The following ST6GAL1 variants were observed in gnomAD, a reference collection of about 807,000 sequenced individuals.
ST6GAL1 encodes beta-galactoside alpha-2,6-sialyltransferase 1.
A neutral mutation model predicts 38.0 loss-of-function variants in ST6GAL1; 20 were observed. The ratio of observed to expected loss-of-function variants is 0.53; its 90% confidence interval spans 0.37 to 0.77. The LOEUF (loss-of-function observed/expected upper bound fraction) is 0.77, where lower values mean the gene tolerates loss of function less well. ST6GAL1 is among the 30% of genes least tolerant of loss of function. ST6GAL1 has a pLI of 0.00. For synonymous variants in ST6GAL1, 196 were observed against 188.2 expected (o/e 1.04, Z -0.34); for missense variants, 432 against 496.4 (o/e 0.87, Z 1.23).
At chr3:186,934,593 A>G (rs556129349) in intron 1 of ST6GAL1, among the ~76,000 whole-genome samples, 1 of 151,652 alleles carries the variant, frequency 6.6e-6, no homozygotes, top group South Asian at 2.1e-4. Context: ...CAACAACAAC[A>G]GAAAACCAGC....
chr3:187,023,490 T>A (rs889908732), intron 2 of ST6GAL1, among the ~76,000 whole-genome samples: 2 of 152,186 alleles, frequency 1.3e-5, no homozygotes, highest in South Asian at 4.1e-4. Context: ...CCAACCCAAA[T>A]GTCCAACAAT....
intron 6 of ST6GAL1, 107 bp downstream of exon 6, chr3:187,073,054 G>A (rs1719441129): frequency 2.3e-6 from 2 of 863,904 alleles, no homozygotes; most frequent in African/African-American, 3.4e-5. Context: ...TATTCCTAAA[G>A]GCTGGGTATT....
chr3:186,931,620 T>G (rs994372689), intron 1 of ST6GAL1, among the ~76,000 whole-genome samples: 1 of 152,170 alleles, frequency 6.6e-6, no homozygotes, highest in African/African-American at 2.4e-5. Context: ...CTGGGTGCAC[T>G]ATTGTCCCCG....
chr3:186,943,597 A>G (rs2108516665), intron 1 of ST6GAL1, among the ~76,000 whole-genome samples: 1 of 152,096 alleles, frequency 6.6e-6, no homozygotes, highest in Non-Finnish European at 1.5e-5. Context: ...TTACAGGTAC[A>G]CACTACCATG....
intron 6 of ST6GAL1, 27 bp from the exon 7 acceptor site, chr3:187,074,132 T>G: frequency 1.6e-5 from 25 of 1,584,380 alleles, no homozygotes; most frequent in Non-Finnish European, 2.1e-5. Context: ...ATTTCTCCCT[T>G]GAGAGGACCA....
intron 5 of ST6GAL1, among the ~76,000 whole-genome samples, chr3:187,065,071 C>T (rs1021420860): frequency 2.0e-5 from 3 of 151,248 alleles, no homozygotes; most frequent in Admixed American, 2.0e-4. Flanking sequence ...GGTGCACTCT[C>T]GGCTCCCTGC....
intron 2 of ST6GAL1, among the ~76,000 whole-genome samples, chr3:187,015,853 A>T (rs1717098228): frequency 1.3e-5 from 2 of 152,168 alleles, no homozygotes; most frequent in African/African-American, 4.8e-5. Flanking sequence ...AAAAAAAATA[A>T]AAATAAATAA....
At chr3:186,943,958 A>C (rs1714269940) in intron 1 of ST6GAL1, among the ~76,000 whole-genome samples, 1 of 152,204 alleles carries the variant, frequency 6.6e-6, no homozygotes, top group African/African-American at 2.4e-5. Context: ...CTCTCTTTTA[A>C]TGTTTCAAGG....
intron 2 of ST6GAL1, among the ~76,000 whole-genome samples, chr3:187,004,238 G>T (rs1439553149): frequency 6.6e-6 from 1 of 152,256 alleles, no homozygotes; most frequent in African/African-American, 2.4e-5. Flanking sequence ...CACCATGCTT[G>T]TGCAGCCTGC....
At chr3:187,065,924 T>C (rs1719095793) in intron 5 of ST6GAL1, among the ~76,000 whole-genome samples, 1 of 152,044 alleles carries the variant, frequency 6.6e-6, no homozygotes, top group Admixed American at 6.6e-5. Context: ...GCTCCCAGAG[T>C]TTAAGTTGCT....
intron 1 of ST6GAL1, among the ~76,000 whole-genome samples, chr3:186,942,902 C>T (rs775695833): frequency 1.8e-4 from 28 of 152,186 alleles, no homozygotes; most frequent in African/African-American, 3.4e-4. Context: ...GAGGTTTCGC[C>T]GTGTTGGCCA....
At chr3:186,988,925 A>G (rs1716054333) in intron 2 of ST6GAL1, among the ~76,000 whole-genome samples, 1 of 152,124 alleles carries the variant, frequency 6.6e-6, no homozygotes, top group Non-Finnish European at 1.5e-5. Flanking sequence ...GTGTCAAAAC[A>G]AAAAACCAAA....
intron 1 of ST6GAL1, among the ~76,000 whole-genome samples, chr3:186,933,556 C>G (rs1051602577): frequency 6.6e-6 from 1 of 152,196 alleles, no homozygotes; most frequent in African/African-American, 2.4e-5. Context: ...AAAAATCCTA[C>G]ATCAATTCCT....
chr3:187,042,075 TAGAG>T (rs1718141414), intron 3 of ST6GAL1: 1 of 152,406 alleles, frequency 6.6e-6, no homozygotes, highest in African/African-American at 2.4e-5. Context: ...TCGCAGCCCT[TAGAG>T]AGATACATCA....
chr3:187,005,034 T>TAAG (rs1356232311), intron 2 of ST6GAL1, among the ~76,000 whole-genome samples: 4 of 151,866 alleles, frequency 2.6e-5, no homozygotes, highest in Non-Finnish European at 5.9e-5. Context: ...CCACCATCAA[T>TAAG]AAGAAGTACA....
At chr3:187,044,834 A>C (rs1255556821) in intron 4 of ST6GAL1, among the ~76,000 whole-genome samples, 1 of 152,236 alleles carries the variant, frequency 6.6e-6, no homozygotes, top group Non-Finnish European at 1.5e-5. Context: ...ATTTTTCTAT[A>C]GATTGCAGTT....
chr3:186,991,354 T>G (rs1457642329), intron 2 of ST6GAL1, among the ~76,000 whole-genome samples: 1 of 152,116 alleles, frequency 6.6e-6, no homozygotes, highest in Non-Finnish European at 1.5e-5. Flanking sequence ...GGTCATGCCC[T>G]AATAGAGGAA....
At chr3:186,950,172 A>G (rs1333010131) in intron 1 of ST6GAL1, among the ~76,000 whole-genome samples, 1 of 152,194 alleles carries the variant, frequency 6.6e-6, no homozygotes, top group Non-Finnish European at 1.5e-5. Context: ...ATATCCTCAA[A>G]GGCTTTAAAA....
chr3:187,020,454 T>G (rs1717259247), intron 2 of ST6GAL1, among the ~76,000 whole-genome samples: 1 of 152,216 alleles, frequency 6.6e-6, no homozygotes, highest in Non-Finnish European at 1.5e-5. Flanking sequence ...GAATTAAATT[T>G]GGTAACATCT....
Sources: gnomAD v4.1 joint callset for allele counts (sites outside exome capture counted in the v4.1 genomes callset) on GRCh38, gnomAD v4.1.1 for gene constraint, MANE v1.5 for transcripts, NCBI Gene and HGNC (gene_info 2026-07-23, HGNC 2026-07-21) for gene names.